The following RO60 variants were observed in gnomAD, a reference collection of about 807,000 sequenced individuals.
The protein encoded by RO60 is RNA-binding protein RO60.
Under a neutral mutation model 55.3 loss-of-function variants are expected in RO60, and 20 were observed. The observed-to-expected ratio is 0.36, with a 90% CI of 0.25 to 0.53. RO60 has a LOEUF of 0.53. Among genes scored for constraint, RO60 ranks in the 20% least tolerant of loss-of-function variants. The pLI is 0.92. For synonymous variants in RO60, 213 were observed against 213.6 expected (o/e 1.00, Z 0.02); for missense variants, 558 against 646.6 (o/e 0.86, Z 1.49).
At position 193,076,932 on chromosome 1, in the gene RO60, A is replaced by G. The variant is rs757485363; in HGVS notation, c.968A>G (p.His323Arg). 2 of 1,611,900 alleles carry G rather than the reference A, an allele frequency of 1.2e-6. No homozygotes were observed. Among genetic ancestry groups the G allele is most frequent in the African/African-American group, 1.3e-5 (1 of 74,874 alleles). Reference protein sequence around the residue: ...LLKKARIHPFHILIALETYKT... With the variant: ...LLKKARIHPFRILIALETYKT... ...TTCTAGGCTCGTATACATCCATTTC[A>G]TATTTTGATCGCATTAGAAACTTAC... The change falls in exon 5 of 9, where the codon CAT (histidine) becomes CGT (arginine). Residue 323 changes from histidine to arginine, a missense_variant. His to Arg is a conservative substitution (Grantham distance 29). Transcript: ENST00000400968.
At position 193,076,935 on chromosome 1, in the gene RO60, T is replaced by C; in HGVS notation, c.971T>C (p.Ile324Thr). 6.2e-7 allele frequency: 1 copy of C among 1,612,106 alleles called. No homozygotes were observed. The highest frequency in any genetic ancestry group is 8.5e-7 in the Non-Finnish European group (1 of 1,178,894). The change falls in exon 5 of 9, where the codon ATT (isoleucine) becomes ACT (threonine). Residue 324 changes from isoleucine (I) to threonine (T), a missense_variant. By Grantham distance (89) the Ile-to-Thr change is moderately conservative. Coordinates refer to ENST00000400968, the MANE Select transcript of RO60 (RefSeq NM_001173524.2). Reference sequence around the variant, plus strand: ...TAGGCTCGTATACATCCATTTCATATTTTGATCGCATTAGAAACTTACAAG... The same window carrying C: ...TAGGCTCGTATACATCCATTTCATACTTTGATCGCATTAGAAACTTACAAG... ...LKKARIHPFHILIALETYKTG... is the reference protein window; with the variant it reads ...LKKARIHPFHTLIALETYKTG...
rs1349918857 is a variant in RO60 at position 193,059,938 on chromosome 1, A to C, written c.-22+162A>C. Reference sequence around the variant, plus strand: ...CCCCGTCCCGCTTCCGCGCCTGTCCACCCTGGGTAACGGAACCAGCATCGC... The same window carrying C: ...CCCCGTCCCGCTTCCGCGCCTGTCCCCCCTGGGTAACGGAACCAGCATCGC... On this transcript the variant is annotated intron_variant, in intron 1 of 8. Transcript: ENST00000400968. The surrounding 1 kb of genome is among the most constrained non-coding windows in gnomAD (Gnocchi z 4.9). 9 of 1,366,236 alleles carry C rather than the reference A, an allele frequency of 6.6e-6. No individual in the cohort carries two copies. In the South Asian group the frequency reaches 1.0e-4, roughly 16 times the overall value. The allele number at this position is 1,366,236 out of a possible 1,614,324, so 84.6% of individuals were successfully genotyped here.
In RO60 at chr1:193,085,913, A is replaced by G. The variant is rs1158328230; in HGVS notation, c.*1182A>G. ...TATGTATTAAACTTTTCATTACACT[A>G]AAGTGCATTATTTTATTGAGCAAGT... On this transcript the variant is annotated 3_prime_UTR_variant, in exon 9 of 9. Coordinates refer to ENST00000400968, the MANE Select transcript of RO60 (RefSeq NM_001173524.2). The G allele has an allele frequency of 1.0e-6, 1 of 985,024 alleles. No individual in the cohort carries two copies. The highest frequency in any genetic ancestry group is 1.2e-6 in the Non-Finnish European group (1 of 829,700). 61.0% of individuals were successfully genotyped at this position (985,024 alleles called of 1,614,324 possible). A position where few individuals can be genotyped will look rare whatever the true frequency, so the allele number is the denominator to read the frequency against.
chr1:193,061,080 C>T (rs1672635245), intron 1 of RO60, among the ~76,000 whole-genome samples: 1 of 152,158 alleles, frequency 6.6e-6, no homozygotes, highest in Admixed American at 6.5e-5. Flanking sequence ...GTTAAGATGC[C>T]TTTCATTATG....
chr1:193,085,896 A>C lies in RO60; in HGVS notation c.*1165A>C, dbSNP rs1361112963. ...TTTTTCAGTATTATTTGTATGTATTAAACTTTTCATTACACTAAAGTGCAT... is the reference window on the plus strand; with the variant it reads ...TTTTTCAGTATTATTTGTATGTATTCAACTTTTCATTACACTAAAGTGCAT... On this transcript the variant is annotated 3_prime_UTR_variant, in exon 9 of 9. Coordinates refer to ENST00000400968, the MANE Select transcript of RO60 (RefSeq NM_001173524.2). 1.0e-6 allele frequency: 1 copy of C among 985,238 alleles called. No homozygotes were observed. The highest frequency in any genetic ancestry group is 1.2e-6 in the Non-Finnish European group (1 of 829,788). 61.0% of individuals were successfully genotyped at this position (985,238 alleles called of 1,614,324 possible).
intron 2 of RO60, among the ~76,000 whole-genome samples, chr1:193,073,313 T>C (rs925565414): frequency 6.6e-6 from 1 of 152,238 alleles, no homozygotes; most frequent in Non-Finnish European, 1.5e-5. Flanking sequence ...GATCAAGTTA[T>C]TTAGCATTCA....
At chr1:193,060,169 T>G in intron 1 of RO60, 1 of 1,121,288 alleles carries the variant, frequency 8.9e-7, no homozygotes, top group South Asian at 1.6e-5. Context: ...GAAGGATCTT[T>G]GTGGGAAGAC....
intron 1 of RO60, among the ~76,000 whole-genome samples, chr1:193,061,221 TC>T (rs1558229351): frequency 6.6e-6 from 1 of 152,208 alleles, no homozygotes; most frequent in African/African-American, 2.4e-5. Context: ...TAGCATGCTG[TC>T]ATTTTTGCCA....
rs1207285477 is a variant in RO60, at chr1:193,089,105, A to C, written c.*4374A>C. On this transcript the variant is annotated 3_prime_UTR_variant, in exon 9 of 9. Transcript: ENST00000400968. ...GATTGATACACTCCTCCCCAAATCA[A>C]ATTATATTGTATATCTTTTATATTA... 6.6e-6 allele frequency: 1 copy of C among 150,404 alleles called. No homozygotes were observed. Among genetic ancestry groups the C allele is most frequent in the East Asian group, 1.9e-4 (1 of 5,192 alleles). 9.3% of individuals were successfully genotyped at this position (150,404 alleles called of 1,614,324 possible). A position where few individuals can be genotyped will look rare whatever the true frequency, so the allele number is the denominator to read the frequency against.
chr1:193,085,626 A>G lies in RO60; in HGVS notation c.*895A>G, dbSNP rs1674594361. 3.8e-5 allele frequency: 37 copies of G among 984,362 alleles called. No individual in the cohort carries two copies. Among genetic ancestry groups the G allele is most frequent in the Non-Finnish European group, 4.5e-5 (37 of 829,094 alleles). 61.0% of individuals were successfully genotyped at this position (984,362 alleles called of 1,614,324 possible). ...CCCTCATTCACAAAGTATAACAATTAAAATCTCAACTATAACCAGTTTAGC... is the reference window on the plus strand; with the variant it reads ...CCCTCATTCACAAAGTATAACAATTGAAATCTCAACTATAACCAGTTTAGC... On this transcript the variant is annotated 3_prime_UTR_variant, in exon 9 of 9. Transcript: ENST00000400968.
chr1:193,073,976 G>C (rs1341216235), intron 2 of RO60, among the ~76,000 whole-genome samples: 1 of 148,520 alleles, frequency 6.7e-6, no homozygotes, highest in African/African-American at 2.5e-5. Context: ...CTATGAGTGA[G>C]AACATGCAGT....
chr1:193,065,495 G>A (rs976202753), intron 1 of RO60, among the ~76,000 whole-genome samples: 8 of 152,180 alleles, frequency 5.3e-5, no homozygotes, highest in Non-Finnish European at 8.8e-5. Flanking sequence ...ACAGGTTGAA[G>A]TGCAACCAGA....
At chr1:193,074,769 TG>T (rs1673786493) in intron 2 of RO60, among the ~76,000 whole-genome samples, 1 of 152,270 alleles carries the variant, frequency 6.6e-6, no homozygotes, top group Admixed American at 6.5e-5. Context: ...TGGCTTTTGT[TG>T]CCATTGCTTT....
chr1:193,081,143 GT>G (rs1429465696), intron 5 of RO60, among the ~76,000 whole-genome samples: 2 of 151,732 alleles, frequency 1.3e-5, no homozygotes, highest in Non-Finnish European at 2.9e-5. Context: ...TATTTCCTTT[GT>G]TTTACCTGTA....
rs1394508858 is a variant in RO60 at position 193,076,600 on chromosome 1, G to T, written c.901G>T (p.Val301Leu). The part of the protein sequence containing the change: ...NSVLEPGNSE[V>L]SLVCEKLCNE... ...AGTACTTGAACCAGGAAATTCAGAAGTATCTTTAGTATGTGAAAAACTGTG... is the reference window on the plus strand; with the variant it reads ...AGTACTTGAACCAGGAAATTCAGAATTATCTTTAGTATGTGAAAAACTGTG... Residue 301 changes from valine (V) to leucine (L), a missense_variant, in exon 4 of 9, where the codon GTA becomes TTA. Transcript: ENST00000400968. 1 of 1,609,166 alleles carries T rather than the reference G, an allele frequency of 6.2e-7. No homozygotes were observed. The highest frequency in any genetic ancestry group is 1.3e-5 in the African/African-American group (1 of 74,830).
intron 1 of RO60, chr1:193,060,315 A>C: frequency 6.4e-6 from 2 of 310,398 alleles, no homozygotes; most frequent in Non-Finnish European, 1.3e-5. Flanking sequence ...TAATCTAAAA[A>C]CATTTGGAAT....
At chr1:193,070,625 TTAAGC>T (rs1673426137) in intron 2 of RO60, 1 of 444,684 alleles carries the variant, frequency 2.2e-6, no homozygotes, top group Non-Finnish European at 4.5e-6. Flanking sequence ...GCCAAGTAAG[TTAAGC>T]TGAGTTTCTG....
chr1:193,060,290 A>G (rs1558224866), intron 1 of RO60: 4 of 341,000 alleles, frequency 1.2e-5, no homozygotes, highest in Non-Finnish European at 2.2e-5. Flanking sequence ...TAGGTTGAAA[A>G]CAAATGTCGT....
intron 5 of RO60, among the ~76,000 whole-genome samples, chr1:193,080,759 C>A (rs1674250775): frequency 6.6e-6 from 1 of 152,106 alleles, no homozygotes; most frequent in Non-Finnish European, 1.5e-5. Flanking sequence ...ATAAGCCAGA[C>A]AAACAAGGAC....
Sources: allele counts gnomAD v4.1 joint callset (sites outside exome capture counted in the v4.1 genomes callset), GRCh38; gene constraint gnomAD v4.1.1; non-coding constraint Gnocchi (gnomAD v3.1); transcripts MANE v1.5; gene names NCBI Gene and HGNC (gene_info 2026-07-23, HGNC 2026-07-21).